Variants in ADAMTS7 observed in about 807,000 individuals in gnomAD.
ADAMTS7 encodes the protein ADAM metallopeptidase with thrombospondin type 1 motif 7.
Under a neutral mutation model 172.6 loss-of-function variants are expected in ADAMTS7, and 89 were observed. The ratio of observed to expected loss-of-function variants is 0.52; its 90% CI spans 0.43 to 0.61. The LOEUF (loss-of-function observed/expected upper bound fraction) is 0.61, where lower values mean the gene tolerates loss of function less well. Ranked by LOEUF, ADAMTS7 falls within the 20% of genes least tolerant of loss-of-function variation. The pLI is 0.00. For synonymous variants in ADAMTS7, 885 were observed against 978.4 expected, an observed-to-expected ratio of 0.90 and a Z score of 1.78; for missense variants, 1,973 against 2,355.6, an observed-to-expected ratio of 0.84 and a Z score of 3.36.
At position 78,807,103 on chromosome 15, in the gene ADAMTS7, C is replaced by T. The variant is rs528171324; in HGVS notation, c.100+4018G>A. On this transcript the variant is annotated intron_variant, in intron 1 of 23. Coordinates refer to ENST00000388820, the MANE Select transcript of ADAMTS7 (RefSeq NM_014272.5). ...TTTTAAGTGAGTATTAACGTTGGTT[C>T]CCAGGGCAAGGACAATCCCAGCCAA... Among the ~76,000 whole-genome samples the T allele has an allele frequency of 2.6e-5, 4 of 152,322 alleles. No individual in the cohort carries two copies. The South Asian group carries it at 8.3e-4, about 32-fold the overall frequency.
intron 7 of ADAMTS7, 56 bp from the exon 8 acceptor site, chr15:78,788,430 GCCCT>G: frequency 6.3e-7 from 1 of 1,592,386 alleles, no homozygotes; most frequent in East Asian, 2.2e-5. Context: ...CTGCCAGCCT[GCCCT>G]CCCCTGGACA....
chr15:78,809,394 C>G (rs2055836599), intron 1 of ADAMTS7, among the ~76,000 whole-genome samples: 2 of 152,072 alleles, frequency 1.3e-5, no homozygotes, highest in African/African-American at 4.8e-5. Flanking sequence ...ACCCCATGCT[C>G]TATATCTATG....
chr15:78,787,780 C>T (rs1188418247), intron 8 of ADAMTS7, among the ~76,000 whole-genome samples: 5 of 152,270 alleles, frequency 3.3e-5, no homozygotes, highest in African/African-American at 4.8e-5. Flanking sequence ...TGTCTCTGAC[C>T]GGACCTTGTG....
At chr15:78,791,736 AGGGTAG>A (rs2055583941) in intron 4 of ADAMTS7, among the ~76,000 whole-genome samples, 2 of 152,174 alleles carry the variant, frequency 1.3e-5, no homozygotes, top group Non-Finnish European at 2.9e-5. Flanking sequence ...GGGTAGAGTG[AGGGTAG>A]GCACAGGCCT....
intron 1 of ADAMTS7, among the ~76,000 whole-genome samples, chr15:78,806,576 T>C (rs2055801106): frequency 6.6e-6 from 1 of 152,164 alleles, no homozygotes; most frequent in South Asian, 2.1e-4. Context: ...TCTGGGTTTG[T>C]TTCCTCATCT....
At position 78,762,403 on chromosome 15, in the gene ADAMTS7, G is replaced by T; in HGVS notation, c.4903C>A (p.Arg1635Ser). The T allele has an allele frequency of 6.8e-7, 1 of 1,462,284 alleles. No individual in the cohort carries two copies. 90.6% of individuals were successfully genotyped at this position (1,462,284 alleles called of 1,614,324 possible). ...TEDCEPVEPPRCERDRLSFGF... is the reference protein window; with the variant it reads ...TEDCEPVEPPSCERDRLSFGF... ...GGGAGCCTGGGGTCAGGGGACTCAC[G>T]GGGAGGCTCGACGGGCTCACAATCC... is the stretch of plus-strand genomic sequence containing the variant. Residue 1635 changes from arginine (R) to serine (S), a missense_variant and splice_region_variant, in exon 23 of 24, where the codon CGC (arginine) becomes AGC (serine). By Grantham distance (110) the Arg-to-Ser change is moderately radical. Coordinates refer to ENST00000388820, the MANE Select transcript of ADAMTS7 (RefSeq NM_014272.5).
At chr15:78,784,107 G>A (rs1567226473) in intron 8 of ADAMTS7, among the ~76,000 whole-genome samples, 1 of 152,080 alleles carries the variant, frequency 6.6e-6, no homozygotes, top group Non-Finnish European at 1.5e-5. Context: ...GCTGGCTCAT[G>A]ACTGTAATCC....
At chr15:78,810,140 T>TC (rs1464738378) in intron 1 of ADAMTS7, among the ~76,000 whole-genome samples, 1 of 151,948 alleles carries the variant, frequency 6.6e-6, no homozygotes, top group African/African-American at 2.4e-5. Context: ...CCTAATCCAG[T>TC]CCCCCGACTG....
chr15:78,799,921 G>C (rs1322334656), intron 2 of ADAMTS7, among the ~76,000 whole-genome samples: 1 of 151,244 alleles, frequency 6.6e-6, no homozygotes. Context: ...TGAATTCCTG[G>C]GCTCAAGTGA....
In ADAMTS7 at chr15:78,771,382, C is replaced by A. The variant is rs745641529; in HGVS notation, c.2377-79G>T. 2 of 1,601,236 alleles carry A rather than the reference C, an allele frequency of 1.2e-6. No homozygotes were observed. The highest frequency in any genetic ancestry group is 1.7e-5 in the Admixed American group (1 of 58,956). ...GTCCTAAAGGAGCTGACCCCAGCCA[C>A]CTCTGTGAACTGCAGCTACAAGATT... On this transcript the variant is annotated intron_variant, in intron 15 of 23. Transcript: ENST00000388820. This position sits in a 1 kb window ranked among gnomAD's most constrained non-coding sequence, Gnocchi z 4.9.
chr15:78,774,222 G>C lies in ADAMTS7; in HGVS notation c.1955C>G (p.Thr652Ser). The C allele has an allele frequency of 1.3e-6, 2 of 1,589,194 alleles. No individual in the cohort carries two copies. Among genetic ancestry groups the C allele is most frequent in the South Asian group, 1.1e-5 (1 of 89,226 alleles). Residue 652 changes from threonine to serine, a missense_variant, in exon 13 of 24, where the codon ACC becomes AGC. Physicochemically the swap from Thr to Ser is moderately conservative, Grantham distance 58 (BLOSUM62 1). Transcript: ENST00000388820. ...GCTGGCTCGGACCTGGTAGCAGGGG[G>C]TGCCATCGACCACGGCGTCCCGCAG... ...EKLRDAVVDGTPCYQVRASRD... is the reference protein window; with the variant it reads ...EKLRDAVVDGSPCYQVRASRD...
At chr15:78,795,658 C>T (rs186690527) in intron 4 of ADAMTS7, among the ~76,000 whole-genome samples, 9 of 152,278 alleles carry the variant, frequency 5.9e-5, no homozygotes, top group Non-Finnish European at 1.0e-4. Context: ...TCACAGCACA[C>T]GCACTTACCT....
At chr15:78,793,458 G>T (rs1342989730) in intron 4 of ADAMTS7, among the ~76,000 whole-genome samples, 1 of 151,926 alleles carries the variant, frequency 6.6e-6, no homozygotes, top group Non-Finnish European at 1.5e-5. Context: ...CACCTCCTGG[G>T]CTCAAGCAAT....
At position 78,766,531 on chromosome 15, in the gene ADAMTS7, G is replaced by A; in HGVS notation, c.3380C>T (p.Pro1127Leu). Residue 1127 changes from proline (P) to leucine (L), a missense_variant, in exon 19 of 24, where the codon CCT becomes CTT. Pro to Leu is a moderately conservative substitution (Grantham distance 98). Coordinates refer to ENST00000388820, the MANE Select transcript of ADAMTS7 (RefSeq NM_014272.5). ...GCTAGGCCAAGGGCTCGGGGACCAA[G>A]GTCCCAGTACCCCCTCCTCCTTGGC... Reference protein sequence around the residue: ...PAAKEEGVLGPWSPSPWPSQA... With the variant: ...PAAKEEGVLGLWSPSPWPSQA... The A allele has an allele frequency of 1.9e-6, 3 of 1,591,150 alleles. No individual in the cohort carries two copies. The highest frequency in any genetic ancestry group is 2.6e-6 in the Non-Finnish European group (3 of 1,169,656).
chr15:78,771,445 G>T lies in ADAMTS7; in HGVS notation c.2376+140C>A, dbSNP rs544610261. The T allele has an allele frequency of 1.3e-6, 2 of 1,531,418 alleles. No individual in the cohort carries two copies. The highest frequency in any genetic ancestry group is 1.8e-6 in the Non-Finnish European group (2 of 1,135,136). The allele number at this position is 1,531,418 out of a possible 1,614,324, so 94.9% of individuals were successfully genotyped here. A position where few individuals can be genotyped will look rare whatever the true frequency, so the allele number is the denominator to read the frequency against. ...AGATGGGGAAACTGAGGTAGAGGCC[G>T]CAGCAGGAGGGCCTGGCTCAGAGCC... On this transcript the variant is annotated intron_variant, in intron 15 of 23. Coordinates refer to ENST00000388820, the MANE Select transcript of ADAMTS7 (RefSeq NM_014272.5). This position sits in a 1 kb window ranked among gnomAD's most constrained non-coding sequence, Gnocchi z 4.9.
chr15:78,809,981 C>T (rs2055843224), intron 1 of ADAMTS7, among the ~76,000 whole-genome samples: 1 of 152,274 alleles, frequency 6.6e-6, no homozygotes, highest in Non-Finnish European at 1.5e-5. Flanking sequence ...CAAATCTTTC[C>T]AAAACACTGC....
Position 78,774,750 on chromosome 15 carries a change from A to G in ADAMTS7, c.1750T>C (p.Phe584Leu), listed in dbSNP as rs775347486. 1.2e-6 allele frequency: 2 copies of G among 1,611,356 alleles called. No individual in the cohort carries two copies. Among genetic ancestry groups the G allele is most frequent in the South Asian group, 2.2e-5 (2 of 90,956 alleles). The part of the protein sequence containing the change: ...GRYCVGERKR[F>L]RLCNLQACPA... ...CAGGCCTGCAGGTTGCAGAGGCGGA[A>G]GCGCTTGCGCTCACCCACACAGTAT... The change falls in exon 12 of 24, where the codon TTC (phenylalanine) becomes CTC (leucine). Residue 584 changes from phenylalanine (F) to leucine (L), a missense_variant. By Grantham distance (22) the Phe-to-Leu change is conservative. Transcript: ENST00000388820.
At chr15:78,763,318 C>A (rs2055080060) in intron 22 of ADAMTS7, among the ~76,000 whole-genome samples, 1 of 152,216 alleles carries the variant, frequency 6.6e-6, no homozygotes, top group South Asian at 2.1e-4. Flanking sequence ...AGGTGTCCTG[C>A]CCATCTGAGG....
At position 78,766,550 on chromosome 15, in the gene ADAMTS7, C is replaced by G. The variant is rs545052298; in HGVS notation, c.3361G>C (p.Glu1121Gln). ...GACCAAGGTCCCAGTACCCCCTCCT[C>G]CTTGGCTGCAGGAGGCTCTGTGGCA... ...VPATEPPAAK[E>Q]EGVLGPWSPS... Residue 1121 changes from glutamate to glutamine, a missense_variant, in exon 19 of 24, where the codon GAG becomes CAG. This residue lies in a region of ADAMTS7 where 771 missense variants were observed against 952.6 expected (regional missense o/e 0.81). Transcript: ENST00000388820. The G allele has an allele frequency of 6.2e-7, 1 of 1,600,160 alleles. No individual in the cohort carries two copies. The highest frequency in any genetic ancestry group is 1.3e-5 in the African/African-American group (1 of 74,756).
Sources: allele counts gnomAD v4.1 joint callset (sites outside exome capture counted in the v4.1 genomes callset), GRCh38; gene constraint gnomAD v4.1.1; regional missense constraint gnomAD v4.1.1; non-coding constraint Gnocchi (gnomAD v3.1); transcripts MANE v1.5; gene names NCBI Gene and HGNC (gene_info 2026-07-23, HGNC 2026-07-21).